Variants in GOLPH3 observed in about 807,000 individuals in gnomAD.
GOLPH3 encodes coat protein GPP34.
GOLPH3 carries 14 observed loss-of-function variants against 28.5 expected under a neutral mutation model. That is an observed-to-expected ratio of 0.49 (90% CI 0.32 to 0.77). The LOEUF is 0.77. GOLPH3 is among the 30% of genes least tolerant of loss of function. The pLI, the probability that GOLPH3 is intolerant of heterozygous loss-of-function variation, is 0.03. For synonymous variants in GOLPH3, 158 were observed against 159.2 expected (o/e 0.99, Z 0.06); for missense variants, 350 against 393.7 (o/e 0.89, Z 0.94).
intron 1 of GOLPH3, among the ~76,000 whole-genome samples, chr5:32,145,792 G>A (rs541775741): frequency 1.3e-5 from 2 of 152,148 alleles, no homozygotes; most frequent in South Asian, 4.1e-4. Context: ...AGGCATCATC[G>A]CTGAAAGACA....
chr5:32,128,798 G>A (rs534865629), intron 3 of GOLPH3, among the ~76,000 whole-genome samples: 8 of 147,642 alleles, frequency 5.4e-5, no homozygotes, highest in South Asian at 2.1e-4. Context: ...GTCCAGCATC[G>A]AAGTTAAAAA....
intron 3 of GOLPH3, among the ~76,000 whole-genome samples, chr5:32,128,953 G>A (rs937451553): frequency 6.6e-6 from 1 of 152,150 alleles, no homozygotes; most frequent in African/African-American, 2.4e-5. Context: ...CCGGGGCCAG[G>A]CATGGCGGGT....
At chr5:32,151,876 A>G (rs552130043) in intron 1 of GOLPH3, among the ~76,000 whole-genome samples, 4 of 152,348 alleles carry the variant, frequency 2.6e-5, no homozygotes, top group African/African-American at 4.8e-5. Context: ...TGAAAAGACA[A>G]AATACTCTAT....
chr5:32,134,237 A>T (rs1484965461), intron 3 of GOLPH3, among the ~76,000 whole-genome samples: 5 of 151,740 alleles, frequency 3.3e-5, no homozygotes, highest in Non-Finnish European at 1.5e-5. Flanking sequence ...ACGGGGTCTC[A>T]CTCTGTCACC....
intron 3 of GOLPH3, among the ~76,000 whole-genome samples, chr5:32,129,979 C>CT (rs753655213): frequency 9.2e-5 from 14 of 152,032 alleles, no homozygotes; most frequent in Non-Finnish European, 2.1e-4. Context: ...GTAGCTGGGA[C>CT]TACAGGCACC....
intron 2 of GOLPH3, among the ~76,000 whole-genome samples, chr5:32,142,217 G>T (rs971031725): frequency 3.3e-5 from 5 of 151,456 alleles, no homozygotes; most frequent in Admixed American, 6.6e-5. Flanking sequence ...CTGCCCGGCC[G>T]CCCATCGTCT....
Position 32,160,645 on chromosome 5 carries a change from C to T in GOLPH3, c.225+13165G>A, listed in dbSNP as rs73065658. On this transcript the variant is annotated intron_variant, in intron 1 of 3. Transcript: ENST00000265070. ...ATGGTAGGCAAAAAGGATGTGAGAG[C>T]AACTAAGAAGTTAGATTAAGGTGAA... is the stretch of plus-strand genomic sequence containing the variant. 6.3e-3 allele frequency among the ~76,000 whole-genome samples: 953 copies of T among 152,258 alleles called. 12 individuals are homozygous for T. The highest frequency in any genetic ancestry group is 0.022 in the African/African-American group (923 of 41,528).
chr5:32,135,601 G>A lies in GOLPH3; in HGVS notation c.443C>T (p.Thr148Met), dbSNP rs1261019697. The A allele has an allele frequency of 4.3e-6, 7 of 1,612,466 alleles. No homozygotes were observed. Among genetic ancestry groups the A allele is most frequent in the African/African-American group, 1.3e-5 (1 of 74,898 alleles). ...AAGTAATTCAATCCAGTTCTGGACCGTTTCTGGAGGCTGAGTTTCCTTAAC... is the reference window on the plus strand; with the variant it reads ...AAGTAATTCAATCCAGTTCTGGACCATTTCTGGAGGCTGAGTTTCCTTAAC... ...KHVKETQPPETVQNWIELLSG... is the reference protein window; with the variant it reads ...KHVKETQPPEMVQNWIELLSG... The change falls in exon 3 of 4, where the codon ACG becomes ATG. Residue 148 changes from threonine (T) to methionine (M), a missense_variant. Transcript: ENST00000265070.
chr5:32,160,433 G>C (rs1481078729), intron 1 of GOLPH3, among the ~76,000 whole-genome samples: 2 of 152,062 alleles, frequency 1.3e-5, no homozygotes, highest in East Asian at 1.9e-4. Flanking sequence ...TGAGTGCCAA[G>C]ACATTACTAA....
chr5:32,154,943 C>CG (rs1746385491), intron 1 of GOLPH3, among the ~76,000 whole-genome samples: 1 of 151,952 alleles, frequency 6.6e-6, no homozygotes, highest in African/African-American at 2.4e-5. Flanking sequence ...ATTAGCCAGG[C>CG]GTGGTGGCAT....
chr5:32,164,900 CTT>C (rs760066281), intron 1 of GOLPH3, among the ~76,000 whole-genome samples: 63 of 119,768 alleles, frequency 5.3e-4, no homozygotes, highest in South Asian at 2.4e-3. Context: ...ATTATGTATT[CTT>C]TTTTTTTTTT....
intron 3 of GOLPH3, among the ~76,000 whole-genome samples, chr5:32,131,960 G>A (rs1207370366): frequency 6.6e-6 from 1 of 152,114 alleles, no homozygotes; most frequent in Non-Finnish European, 1.5e-5. Flanking sequence ...AGTAGTCTTA[G>A]CCTGGGCAAC....
intron 3 of GOLPH3, among the ~76,000 whole-genome samples, chr5:32,133,462 C>T (rs755872080): frequency 8.5e-5 from 13 of 152,198 alleles, no homozygotes; most frequent in Non-Finnish European, 1.3e-4. Flanking sequence ...ATTTGCAACA[C>T]CAGAAGCAGT....
rs192718581 is a variant in GOLPH3 at position 32,129,200 on chromosome 5, C to A, written c.473-2564G>T. Among the ~76,000 whole-genome samples, 367 of 151,692 alleles carry A rather than the reference C, an allele frequency of 2.4e-3. 2 individuals are homozygous for A. The highest frequency in any genetic ancestry group is 6.5e-3 in the Admixed American group (99 of 15,220). On this transcript the variant is annotated intron_variant, in intron 3 of 3. Transcript: ENST00000265070. ...TGTCTCAAAAACAAAAACAAAAAAA[C>A]CCCCAAAAAACAAAACCAAAAAAAC...
chr5:32,168,892 G>A (rs1402814760), intron 1 of GOLPH3, among the ~76,000 whole-genome samples: 4 of 151,554 alleles, frequency 2.6e-5, no homozygotes, highest in African/African-American at 7.3e-5. Context: ...CCAGGAGTTC[G>A]AGGCTGCAGT....
At chr5:32,173,787 C>A (rs1431284548) in intron 1 of GOLPH3, 23 bp downstream of exon 1, 12 of 1,349,602 alleles carry the variant, frequency 8.9e-6, no homozygotes, top group South Asian at 3.8e-5. Flanking sequence ...CGCCGCCCCC[C>A]GCCCAGCCCG....
chr5:32,160,718 G>T (rs917952726), intron 1 of GOLPH3, among the ~76,000 whole-genome samples: 2 of 152,202 alleles, frequency 1.3e-5, no homozygotes, highest in African/African-American at 4.8e-5. Flanking sequence ...CTGCTAGGTA[G>T]AAAAAGGCAG....
At chr5:32,160,126 G>C (rs1282729470) in intron 1 of GOLPH3, among the ~76,000 whole-genome samples, 1 of 152,128 alleles carries the variant, frequency 6.6e-6, no homozygotes, top group Non-Finnish European at 1.5e-5. Flanking sequence ...TTGAGCCCAG[G>C]AGTTCAAGGC....
At chr5:32,144,328 C>T (rs1581544839) in intron 1 of GOLPH3, among the ~76,000 whole-genome samples, 1 of 152,190 alleles carries the variant, frequency 6.6e-6, no homozygotes, top group African/African-American at 2.4e-5. Flanking sequence ...GATAAAACCA[C>T]AAGGTTAATC....
Sources: allele counts gnomAD v4.1 joint callset (sites outside exome capture counted in the v4.1 genomes callset), GRCh38; gene constraint gnomAD v4.1.1; transcripts MANE v1.5; gene names NCBI Gene and HGNC (gene_info 2026-07-23, HGNC 2026-07-21).